Variants in BDH1 observed in about 807,000 individuals in gnomAD.
BDH1 encodes D-beta-hydroxybutyrate dehydrogenase, mitochondrial.
Under a neutral mutation model 33.1 loss-of-function variants are expected in BDH1, and 30 were observed. That is an observed-to-expected ratio of 0.91 (90% CI 0.68 to 1.23). The LOEUF is 1.23. Among genes scored for constraint, BDH1 ranks in the 50% most tolerant of loss-of-function variants. BDH1 has a pLI of 0.00. For missense variants in BDH1, 443 were observed against 464.4 expected (o/e 0.95, Z 0.42); for synonymous variants, 190 against 183.6 (o/e 1.03, Z -0.28).
upstream of BDH1, among the ~76,000 whole-genome samples, chr3:197,558,047 A>G (rs1717133392): frequency 6.6e-6 from 1 of 152,268 alleles, no homozygotes; most frequent in Admixed American, 6.5e-5. Flanking sequence ...GGGAAAAAAC[A>G]TAGATCCTGA....
chr3:197,564,880 T>G (rs1001914139), intron 1 of BDH1, among the ~76,000 whole-genome samples: 8 of 152,224 alleles, frequency 5.3e-5, no homozygotes, highest in Non-Finnish European at 1.0e-4. Flanking sequence ...TTATAAAATT[T>G]TAGAGAACAA....
Position 197,526,556 on chromosome 3 carries a change from G to A in BDH1, c.268-3775C>T, listed in dbSNP as rs952883249. Among the ~76,000 whole-genome samples, 7 of 152,164 alleles carry A rather than the reference G, an allele frequency of 4.6e-5. No individual in the cohort carries two copies. The highest frequency in any genetic ancestry group is 5.9e-5 in the Non-Finnish European group (4 of 68,008). On this transcript the variant is annotated intron_variant, in intron 5 of 7. Coordinates refer to ENST00000392379, the MANE Select transcript of BDH1 (RefSeq NM_203314.3). This position sits in a 1 kb window ranked among gnomAD's most constrained non-coding sequence, Gnocchi z 4.7. ...GCAGGGCAGCGTGCCTCCCCCAGCC[G>A]GGCATCTGCTCCCTCAGCCCCTGGC...
chr3:197,570,474 TAGA>T (rs1212571583), intron 1 of BDH1, among the ~76,000 whole-genome samples: 1 of 152,194 alleles, frequency 6.6e-6, no homozygotes, highest in African/African-American at 2.4e-5. Context: ...CCTATAGGCC[TAGA>T]AGGAGAAAAT....
chr3:197,571,910 A>G (rs1319077635), intron 1 of BDH1, among the ~76,000 whole-genome samples: 1 of 152,188 alleles, frequency 6.6e-6, no homozygotes, highest in African/African-American at 2.4e-5. Flanking sequence ...AAAATTTAAA[A>G]GTTAGCCAGG....
chr3:197,512,372 GGGAGACAGA>G lies in BDH1; in HGVS notation c.563-17_563-9del, dbSNP rs1712166395. The G allele has an allele frequency of 1.3e-5, 21 of 1,595,112 alleles. No homozygotes were observed. Among genetic ancestry groups the G allele is most frequent in the Non-Finnish European group, 1.8e-5 (21 of 1,174,196 alleles). ...TGATATTGACGACGCGGCCTACAGA[GGGAGACAGA>G]GGTACCTGCTAAGCCGTTACTGCCC... On this transcript the variant is annotated splice_polypyrimidine_tract_variant and intron_variant, in intron 7 of 7. Coordinates refer to ENST00000392379, the MANE Select transcript of BDH1 (RefSeq NM_203314.3).
upstream of BDH1, among the ~76,000 whole-genome samples, chr3:197,559,660 T>G (rs542836157): frequency 1.3e-5 from 2 of 152,360 alleles, no homozygotes; most frequent in South Asian, 4.1e-4. Context: ...AAGAATTTAT[T>G]TGTTTGGTTT....
chr3:197,541,749 T>C (rs1560330453), intron 3 of BDH1, among the ~76,000 whole-genome samples: 1 of 152,164 alleles, frequency 6.6e-6, no homozygotes. Context: ...TCCCTCACTG[T>C]TCTCTAGGTG....
chr3:197,518,749 C>G (rs377208096), intron 6 of BDH1, among the ~76,000 whole-genome samples: 1 of 16,474 alleles, frequency 6.1e-5, no homozygotes, highest in Non-Finnish European at 1.1e-4. Context: ...CCGACCCCCC[C>G]CCATCAGTCA....
At chr3:197,543,264 G>T in intron 3 of BDH1, 1 of 799,600 alleles carries the variant, frequency 1.3e-6, no homozygotes, top group Non-Finnish European at 1.5e-6. Flanking sequence ...AATTTAGCCT[G>T]TTTGACCATG....
chr3:197,536,530 G>A (rs1715167033), intron 3 of BDH1, among the ~76,000 whole-genome samples: 2 of 152,126 alleles, frequency 1.3e-5, no homozygotes, highest in South Asian at 4.1e-4. Context: ...TCAGTGTTGT[G>A]TCGTTTTCAG....
chr3:197,553,703 G>T (rs1454308712), intron 2 of BDH1, among the ~76,000 whole-genome samples: 2 of 152,152 alleles, frequency 1.3e-5, no homozygotes, highest in African/African-American at 2.4e-5. Flanking sequence ...AGTCATGAGG[G>T]TTGTATATTG....
At chr3:197,548,617 G>A (rs1255774234) in intron 2 of BDH1, among the ~76,000 whole-genome samples, 1 of 152,140 alleles carries the variant, frequency 6.6e-6, no homozygotes. Flanking sequence ...TTGGGAGGCT[G>A]AGGCAGGTGG....
chr3:197,517,249 C>T, intron 6 of BDH1, among the ~76,000 whole-genome samples: 1 of 133,136 alleles, frequency 7.5e-6, no homozygotes, highest in South Asian at 2.9e-4. Flanking sequence ...TCAGGCCGAC[C>T]CCCGCATCAG....
At chr3:197,559,443 CCT>C (rs1325472718), upstream of BDH1, among the ~76,000 whole-genome samples, 3 of 152,226 alleles carry the variant, frequency 2.0e-5, no homozygotes, top group Non-Finnish European at 4.4e-5. Context: ...AAAAGAAAGA[CCT>C]CTTTGTATGG....
At chr3:197,559,040 T>C (rs910222738), upstream of BDH1, among the ~76,000 whole-genome samples, 1 of 151,616 alleles carries the variant, frequency 6.6e-6, no homozygotes, top group Non-Finnish European at 1.5e-5. Context: ...CTCACTCTTG[T>C]TACCCAGGCT....
In BDH1 at chr3:197,570,772, C is replaced by T. The variant is rs902298741; in HGVS notation, c.-44+2409G>A. Among the ~76,000 whole-genome samples the T allele has an allele frequency of 7.2e-5, 11 of 152,236 alleles. No individual in the cohort carries two copies. The East Asian group carries it at 2.1e-3, about 29-fold the overall frequency. On this transcript the variant is annotated intron_variant, in intron 1 of 6. Transcript: ENST00000358186. The stretch of plus-strand genomic sequence containing the variant: ...TTTTATTGCAGGGCTGGGACCCTCA[C>T]AGAGAACCTCTGCTAGGGCAGTGAA...
At chr3:197,534,064 A>G (rs1221780169) in intron 3 of BDH1, 2 of 154,002 alleles carry the variant, frequency 1.3e-5, no homozygotes, top group Non-Finnish European at 2.9e-5. Context: ...CATGCAATTA[A>G]GAAATAATAC....
chr3:197,511,774 T>C lies in BDH1; in HGVS notation c.*121A>G. 1.0e-6 allele frequency: 1 copy of C among 994,452 alleles called. No individual in the cohort carries two copies. The highest frequency in any genetic ancestry group is 1.5e-6 in the Non-Finnish European group (1 of 682,828). 61.6% of individuals were successfully genotyped at this position (994,452 alleles called of 1,614,324 possible). A position where few individuals can be genotyped will look rare whatever the true frequency, so the allele number is the denominator to read the frequency against. On this transcript the variant is annotated 3_prime_UTR_variant, in exon 8 of 8. Transcript: ENST00000392379. The stretch of plus-strand genomic sequence containing the variant: ...TCCCTCTAGTTAGTGTTAAAACCAG[T>C]TATGGGTCTTCCTGGCATGGTGGAT...
chr3:197,548,070 C>T (rs1020134326), intron 2 of BDH1, among the ~76,000 whole-genome samples: 17 of 152,336 alleles, frequency 1.1e-4, no homozygotes, highest in East Asian at 5.8e-4. Context: ...ACGAGCCTGA[C>T]GCAAAGGAGG....
Sources: allele counts gnomAD v4.1 joint callset (sites outside exome capture counted in the v4.1 genomes callset), GRCh38; gene constraint gnomAD v4.1.1; non-coding constraint Gnocchi (gnomAD v3.1); transcripts MANE v1.5; gene names NCBI Gene and HGNC (gene_info 2026-07-23, HGNC 2026-07-21).